PLXND1: variants seen among roughly 807,000 people sequenced by gnomAD.
The protein encoded by PLXND1 is plexin-D1.
In PLXND1, 54 loss-of-function variants were observed where a neutral mutation model predicts 197.7. The ratio of observed to expected loss-of-function variants is 0.27; its 90% CI spans 0.22 to 0.34. PLXND1 has a LOEUF of 0.34. PLXND1 is among the 10% of genes least tolerant of loss of function. PLXND1 has a pLI of 1.00. For missense variants in PLXND1, 2,127 were observed against 2,699.2 expected, an observed-to-expected ratio of 0.79 and a Z score of 4.70; for synonymous variants, 1,180 against 1,161.2, an observed-to-expected ratio of 1.02 and a Z score of -0.33.
chr3:129,596,824 G>T (rs1251374664), intron 1 of PLXND1, among the ~76,000 whole-genome samples: 1 of 152,176 alleles, frequency 6.6e-6, no homozygotes, highest in Non-Finnish European at 1.5e-5. Flanking sequence ...CAGAGTCATC[G>T]CACGACCGCT....
chr3:129,582,243 GC>G (rs2085397638), intron 8 of PLXND1, among the ~76,000 whole-genome samples: 1 of 152,272 alleles, frequency 6.6e-6, no homozygotes, highest in Non-Finnish European at 1.5e-5. Context: ...AGGCCATGGG[GC>G]CCCCTCCTTA....
At chr3:129,604,791 T>G (rs572096564) in intron 1 of PLXND1, among the ~76,000 whole-genome samples, 1 of 152,248 alleles carries the variant, frequency 6.6e-6, no homozygotes, top group Admixed American at 6.5e-5. Flanking sequence ...CTGTCTGCCC[T>G]GTGCGTCTTC....
At chr3:129,565,268 C>T in intron 25 of PLXND1, 72 bp downstream of exon 25, 1 of 1,324,048 alleles carries the variant, frequency 7.6e-7, no homozygotes, top group Non-Finnish European at 1.1e-6. Context: ...GCCTGGGAGG[C>T]CGTGGGGTCA....
At chr3:129,575,426 C>T (rs1205232792) in intron 11 of PLXND1, 43 bp downstream of exon 11, 2 of 1,230,146 alleles carry the variant, frequency 1.6e-6, no homozygotes, top group Non-Finnish European at 2.3e-6. Context: ...CCACCCACTG[C>T]ACTGAGGCCC....
In PLXND1 at chr3:129,606,287, C is replaced by T; in HGVS notation, c.353G>A (p.Arg118Gln). 6.5e-7 allele frequency: 1 copy of T among 1,529,968 alleles called. No homozygotes were observed. The highest frequency in any genetic ancestry group is 1.3e-5 in the South Asian group (1 of 79,902). The allele number at this position is 1,529,968 out of a possible 1,614,324, so 94.8% of individuals were successfully genotyped here. The change falls in exon 1 of 36, where the codon CGG becomes CAG. Residue 118 changes from arginine to glutamine, a missense_variant. By Grantham distance (43) the Arg-to-Gln change is conservative (BLOSUM62 1). Coordinates refer to ENST00000324093, the MANE Select transcript of PLXND1 (RefSeq NM_015103.3). ...CTTGTTGTAGTTGTCCGTGAGGCGC[C>T]GCGGGTGCTCGCACGAGGCCTGCGG... ...QLPQASCEHP[R>Q]RLTDNYNKIL...
At chr3:129,586,749 G>T in intron 2 of PLXND1, 30 bp from the exon 3 acceptor site, 12 of 1,593,016 alleles carry the variant, frequency 7.5e-6, no homozygotes, top group Non-Finnish European at 1.0e-5. Context: ...CAGGGTGCTG[G>T]AGCCCATAGC....
rs1205873627 is a variant in PLXND1 at position 129,577,459 on chromosome 3, G to A, written c.2346+870C>T. Among the ~76,000 whole-genome samples the A allele has an allele frequency of 6.6e-6, 1 of 151,704 alleles. No homozygotes were observed. The highest frequency in any genetic ancestry group is 2.4e-5 in the African/African-American group (1 of 41,276). ...AGGCGCTTGCCCCAACTCCTGCAGG[G>A]TGGGGCTTGAGGGCTGAGGGCAGGC... On this transcript the variant is annotated intron_variant, in intron 9 of 35. Transcript: ENST00000324093. This position sits in a 1 kb window ranked among gnomAD's most constrained non-coding sequence, Gnocchi z 5.0.
At chr3:129,559,829 G>C (rs762193754) in intron 31 of PLXND1, 46 bp from the exon 32 acceptor site, 1 of 1,500,478 alleles carries the variant, frequency 6.7e-7, no homozygotes, top group South Asian at 1.3e-5. Flanking sequence ...GCCACGTGCA[G>C]AGGGCTAGTG....
chr3:129,567,190 G>A (rs1198480512), intron 22 of PLXND1, among the ~76,000 whole-genome samples: 1 of 149,652 alleles, frequency 6.7e-6, no homozygotes, highest in Admixed American at 6.6e-5. Context: ...GCCTGGGACA[G>A]CCCTGGCCGC....
intron 1 of PLXND1, among the ~76,000 whole-genome samples, chr3:129,599,279 C>T (rs1261856079): frequency 6.6e-6 from 1 of 152,222 alleles, no homozygotes; most frequent in Non-Finnish European, 1.5e-5. Flanking sequence ...TGCGCGTGGC[C>T]CTTGCTGAAT....
At chr3:129,570,205 C>T (rs2085203913) in intron 19 of PLXND1, among the ~76,000 whole-genome samples, 1 of 152,162 alleles carries the variant, frequency 6.6e-6, no homozygotes, top group Admixed American at 6.5e-5. Flanking sequence ...ATTATCATTA[C>T]AGCCTGGGAG....
chr3:129,566,477 G>A, intron 23 of PLXND1, 50 bp downstream of exon 23: 1 of 1,093,718 alleles, frequency 9.1e-7, no homozygotes, highest in Non-Finnish European at 1.4e-6. Context: ...CCAGGGGGGA[G>A]CAGGGTTGCC....
intron 8 of PLXND1, among the ~76,000 whole-genome samples, chr3:129,580,513 C>T (rs933085810): frequency 2.6e-5 from 4 of 152,100 alleles, no homozygotes; most frequent in African/African-American, 9.7e-5. Flanking sequence ...GTCCTCCTGG[C>T]CCCAGCCCAC....
rs2085486835 is a variant in PLXND1 at position 129,588,132 on chromosome 3, TGGTA to T, written c.1488+1215_1488+1218del. ...GAGACAGAGGCCACACTGTGCAGGG[TGGTA>T]GGTGAGGGGCTCCAGGCTGTGGCGG... On this transcript the variant is annotated intron_variant, in intron 2 of 35. Coordinates refer to ENST00000324093, the MANE Select transcript of PLXND1 (RefSeq NM_015103.3). Among the ~76,000 whole-genome samples the T allele has an allele frequency of 6.6e-5, 10 of 152,028 alleles. No homozygotes were observed. In the South Asian group the frequency reaches 2.1e-3, roughly 32 times the overall value.
chr3:129,567,197 C>A (rs1276747014), intron 22 of PLXND1, among the ~76,000 whole-genome samples: 5 of 148,174 alleles, frequency 3.4e-5, no homozygotes, highest in African/African-American at 1.3e-4. Flanking sequence ...ACAGCCCTGG[C>A]CGCTTCTGCC....
Position 129,574,406 on chromosome 3 carries a change from C to G in PLXND1, c.2615G>C (p.Ser872Thr). 1 of 1,612,910 alleles carries G rather than the reference C, an allele frequency of 6.2e-7. No homozygotes were observed. The highest frequency in any genetic ancestry group is 1.1e-5 in the South Asian group (1 of 91,062). Reference sequence around the variant, plus strand: ...AGGCCCCCGCAGGCGGCAGCCATCACTCCACATGCACAGGTGACCCAGGTC... The same window carrying G: ...AGGCCCCCGCAGGCGGCAGCCATCAGTCCACATGCACAGGTGACCCAGGTC... ...REDLGHLCMWSDGCRLRGPLQ... is the reference protein window; with the variant it reads ...REDLGHLCMWTDGCRLRGPLQ... Residue 872 changes from serine to threonine, a missense_variant, in exon 12 of 36, where the codon AGT becomes ACT. Physicochemically the swap from Ser to Thr is moderately conservative, Grantham distance 58 (BLOSUM62 1). Around this residue, in one of 6 missense-constraint regions of PLXND1, gnomAD observed 1,095 missense variants for 1,259.8 expected, o/e 0.87. Coordinates refer to ENST00000324093, the MANE Select transcript of PLXND1 (RefSeq NM_015103.3).
At chr3:129,563,042 C>T in intron 26 of PLXND1, 52 bp downstream of exon 26, 1 of 1,611,534 alleles carries the variant, frequency 6.2e-7, no homozygotes, top group South Asian at 1.1e-5. Flanking sequence ...TGGGTCAATG[C>T]CGTTGGCGGC....
Position 129,558,380 on chromosome 3 carries a change from C to T in PLXND1, c.5445+48G>A. 6.4e-7 allele frequency: 1 copy of T among 1,572,922 alleles called. No homozygotes were observed. Among genetic ancestry groups the T allele is most frequent in the Non-Finnish European group, 8.7e-7 (1 of 1,152,488 alleles). On this transcript the variant is annotated intron_variant, in intron 33 of 35. Transcript: ENST00000324093. The surrounding 1 kb of genome is among the most constrained non-coding windows in gnomAD (Gnocchi z 4.1). ...AGGAGGCTACCCATGGTCGGCACCC[C>T]ACTCTGGCCCTGTGCATGGGCCTGG... is the stretch of plus-strand genomic sequence containing the variant.
chr3:129,598,308 G>C (rs2085657581), intron 1 of PLXND1, among the ~76,000 whole-genome samples: 1 of 152,132 alleles, frequency 6.6e-6, no homozygotes, highest in Non-Finnish European at 1.5e-5. Flanking sequence ...GAGCTGGTTA[G>C]TGTGTGGCAT....
Sources: gnomAD v4.1 joint callset for allele counts (sites outside exome capture counted in the v4.1 genomes callset) on GRCh38, gnomAD v4.1.1 for gene constraint, gnomAD v4.1.1 regional missense constraint, Gnocchi (gnomAD v3.1) non-coding constraint, MANE v1.5 for transcripts, NCBI Gene and HGNC (gene_info 2026-07-23, HGNC 2026-07-21) for gene names.